CSMD1: variants seen among roughly 807,000 people sequenced by gnomAD.
The protein encoded by CSMD1 is CUB and sushi domain-containing protein 1.
CSMD1 carries 213 observed loss-of-function variants against 417.5 expected under a neutral mutation model. That is an observed-to-expected ratio of 0.51 (90% confidence interval 0.46 to 0.57). The LOEUF is 0.57. Among genes scored for constraint, CSMD1 ranks in the 20% least tolerant of loss-of-function variants. The pLI is 0.00. For missense variants in CSMD1, 6,923 were observed against 4,529.7 expected (o/e 1.53, Z -15.17); for synonymous variants, 2,862 against 1,736.8 (o/e 1.65, Z -16.11).
At chr8:4,941,545 T>C (rs1304311717) in intron 1 of CSMD1, among the ~76,000 whole-genome samples, 5 of 152,188 alleles carry the variant, frequency 3.3e-5, no homozygotes, top group Non-Finnish European at 5.9e-5. Context: ...GCAGTCTTTG[T>C]CAATTTTTTT....
chr8:3,886,500 T>C (rs1467719944), intron 5 of CSMD1, among the ~76,000 whole-genome samples: 2 of 152,220 alleles, frequency 1.3e-5, no homozygotes, highest in African/African-American at 2.4e-5. Flanking sequence ...TCTGTCACAC[T>C]ACCCAGCAGT....
intron 26 of CSMD1, among the ~76,000 whole-genome samples, chr8:3,240,263 G>A (rs1041269870): frequency 6.6e-6 from 1 of 152,132 alleles, no homozygotes; most frequent in African/African-American, 2.4e-5. Flanking sequence ...GATGGGGGCA[G>A]TCTCTAAAGC....
At chr8:3,618,830 T>C (rs367818168) in intron 7 of CSMD1, among the ~76,000 whole-genome samples, 99 of 152,280 alleles carry the variant, frequency 6.5e-4, no homozygotes, top group African/African-American at 2.2e-3. Flanking sequence ...CGTGGCACAG[T>C]GCAGTTGAGA....
intron 10 of CSMD1, among the ~76,000 whole-genome samples, chr8:3,550,952 C>G (rs928286290): frequency 6.6e-6 from 1 of 152,064 alleles, no homozygotes; most frequent in Non-Finnish European, 1.5e-5. Context: ...CATCAGATGA[C>G]AAACCACTAC....
chr8:3,998,925 T>C (rs374741928), intron 4 of CSMD1, among the ~76,000 whole-genome samples: 11 of 148,952 alleles, frequency 7.4e-5, no homozygotes, highest in African/African-American at 2.2e-4. Flanking sequence ...TAACAAACTA[T>C]ATAGTAGTTT....
chr8:3,245,440 A>C (rs924753491), intron 26 of CSMD1, among the ~76,000 whole-genome samples: 18 of 152,230 alleles, frequency 1.2e-4, no homozygotes, highest in Non-Finnish European at 1.2e-4. Flanking sequence ...GAAAACCTAC[A>C]ACTGGAAGTA....
intron 3 of CSMD1, among the ~76,000 whole-genome samples, chr8:4,376,219 C>T (rs187901675): frequency 6.6e-6 from 1 of 152,096 alleles, no homozygotes; most frequent in Non-Finnish European, 1.5e-5. Context: ...TGTCAATAAT[C>T]GTTTTTGACG....
intron 3 of CSMD1, among the ~76,000 whole-genome samples, chr8:4,387,141 T>C (rs1011296876): frequency 1.3e-5 from 2 of 152,156 alleles, no homozygotes; most frequent in Admixed American, 6.5e-5. Flanking sequence ...ATGAAGGAAA[T>C]TTCTTAATTT....
intron 1 of CSMD1, among the ~76,000 whole-genome samples, chr8:4,714,211 G>T (rs1031557568): frequency 6.6e-6 from 1 of 152,102 alleles, no homozygotes; most frequent in African/African-American, 2.4e-5. Flanking sequence ...CCACCGTGTT[G>T]ACGCCTCCTC....
rs541066721 is a variant in CSMD1 at position 3,290,436 on chromosome 8, A to G, written c.3951-6090T>C. Reference sequence around the variant, plus strand: ...CTTGGGCGGTATGGCCATTTTCACAATATTGATTCTTCCTACCTATGAGCA... The same window carrying G: ...CTTGGGCGGTATGGCCATTTTCACAGTATTGATTCTTCCTACCTATGAGCA... On this transcript the variant is annotated intron_variant, in intron 25 of 69. Coordinates refer to ENST00000635120, the MANE Select transcript of CSMD1 (RefSeq NM_033225.6). Among the ~76,000 whole-genome samples, 79 of 146,336 alleles carry G rather than the reference A, an allele frequency of 5.4e-4. 6 individuals carry two copies. The highest frequency in any genetic ancestry group is 6.8e-3 in the Middle Eastern group (2 of 292).
chr8:3,094,693 C>T (rs1258603259), intron 47 of CSMD1, among the ~76,000 whole-genome samples: 8 of 150,970 alleles, frequency 5.3e-5, no homozygotes, highest in Admixed American at 2.7e-4. Flanking sequence ...GGGATATCCA[C>T]TACTTAAGCC....
At chr8:4,227,637 C>G (rs1020911473) in intron 3 of CSMD1, among the ~76,000 whole-genome samples, 16 of 152,070 alleles carry the variant, frequency 1.1e-4, no homozygotes, top group African/African-American at 9.7e-5. Context: ...GGCCTTCTTC[C>G]TACCAATCAT....
chr8:3,497,278 C>A (rs1323016419), intron 10 of CSMD1, among the ~76,000 whole-genome samples: 1 of 152,164 alleles, frequency 6.6e-6, no homozygotes, highest in Non-Finnish European at 1.5e-5. Flanking sequence ...ATATTGGAGT[C>A]TATCTCTCCC....
intron 23 of CSMD1, among the ~76,000 whole-genome samples, chr8:3,337,605 T>A (rs1441428113): frequency 6.6e-6 from 1 of 152,162 alleles, no homozygotes; most frequent in African/African-American, 2.4e-5. Flanking sequence ...GGAATGCATA[T>A]CCACAAAACC....
intron 2 of CSMD1, among the ~76,000 whole-genome samples, chr8:4,467,123 A>T (rs1391561412): frequency 5.0e-5 from 4 of 80,430 alleles, no homozygotes; most frequent in Admixed American, 1.3e-4. Context: ...TCTTCAGAGT[A>T]AAAAAAAAAA....
intron 3 of CSMD1, among the ~76,000 whole-genome samples, chr8:4,409,846 C>G (rs1183966917): frequency 6.6e-6 from 1 of 152,034 alleles, no homozygotes; most frequent in Non-Finnish European, 1.5e-5. Context: ...CAGAGTCTCA[C>G]TCTGTTGCCC....
chr8:2,962,465 C>T lies in CSMD1; in HGVS notation c.9628+1G>A. On this transcript the variant is annotated splice_donor_variant, in intron 61 of 69. Coordinates refer to ENST00000635120, the MANE Select transcript of CSMD1 (RefSeq NM_033225.6). LOFTEE classifies it high-confidence loss of function. ...CCCCAGAGCTGTATGATAATTATTA[C>T]CAATGCAGGTGGGTTGTATGCCGCT... The T allele has an allele frequency of 6.2e-7, 1 of 1,612,038 alleles. No individual in the cohort carries two copies. Among genetic ancestry groups the T allele is most frequent in the Non-Finnish European group, 8.5e-7 (1 of 1,178,472 alleles).
intron 1 of CSMD1, among the ~76,000 whole-genome samples, chr8:4,694,660 G>T (rs1159281456): frequency 6.6e-6 from 1 of 151,996 alleles, no homozygotes. Flanking sequence ...ACCGCGCCCA[G>T]CCCAATGTAC....
rs1365726940 is a variant in CSMD1 at position 3,488,981 on chromosome 8, A to C, written c.1448+4642T>G. ...TCTTTATATCTTTATTACCAACATC[A>C]ATTGTTTATGCTTTCCCCCAAGGCA... On this transcript the variant is annotated intron_variant, in intron 11 of 69. Transcript: ENST00000635120. Among the ~76,000 whole-genome samples the C allele has an allele frequency of 2.6e-5, 4 of 152,196 alleles. No homozygotes were observed. The East Asian group carries it at 7.7e-4, about 29-fold the overall frequency.
Sources: gnomAD v4.1 joint callset for allele counts (sites outside exome capture counted in the v4.1 genomes callset) on GRCh38, gnomAD v4.1.1 for gene constraint, MANE v1.5 for transcripts, NCBI Gene and HGNC (gene_info 2026-07-23, HGNC 2026-07-21) for gene names.